GSDMC: variants seen among roughly 807,000 people sequenced by gnomAD.
GSDMC encodes the protein gasdermin-C.
GSDMC carries 59 observed loss-of-function variants against 58.0 expected under a neutral mutation model. The observed-to-expected ratio is 1.02, with a 90% confidence interval of 0.82 to 1.26. The LOEUF (loss-of-function observed/expected upper bound fraction) is 1.26. Ranked by LOEUF, GSDMC falls within the 50% of genes most tolerant of loss-of-function variation. GSDMC has a pLI of 0.00. For missense variants in GSDMC, 659 were observed against 598.5 expected (o/e 1.10, Z -1.06); for synonymous variants, 241 against 220.2 (o/e 1.09, Z -0.83).
chr8:129,777,676 G>A (rs986104603), intron 1 of GSDMC, 85 bp from the exon 2 acceptor site: 5 of 757,882 alleles, frequency 6.6e-6, no homozygotes, highest in Non-Finnish European at 9.3e-6. Flanking sequence ...TCCCCTAAAG[G>A]AAAAGATCTA....
At chr8:129,743,763 G>A (rs1244466161), downstream of GSDMC, among the ~76,000 whole-genome samples, 1 of 152,126 alleles carries the variant, frequency 6.6e-6, no homozygotes, top group East Asian at 1.9e-4. Context: ...TTTATACTCT[G>A]TTAAAATGGG....
intron 3 of GSDMC, among the ~76,000 whole-genome samples, chr8:129,769,485 G>A (rs1435011286): frequency 6.6e-6 from 1 of 152,148 alleles, no homozygotes; most frequent in Non-Finnish European, 1.5e-5. Flanking sequence ...TTGGAGGCTG[G>A]GAAGTCCTCA....
intron 6 of GSDMC, among the ~76,000 whole-genome samples, chr8:129,754,889 GA>G (rs2033365705): frequency 6.6e-6 from 1 of 152,118 alleles, no homozygotes; most frequent in Non-Finnish European, 1.5e-5. Flanking sequence ...TGAGCTTGAA[GA>G]CAGCCTATTT....
chr8:129,755,311 G>T (rs963238360), intron 6 of GSDMC, among the ~76,000 whole-genome samples: 3 of 152,064 alleles, frequency 2.0e-5, no homozygotes, highest in Admixed American at 1.3e-4. Flanking sequence ...AGAATGGCAT[G>T]ACATATTTAA....
the GSDMC span, among the ~76,000 whole-genome samples, chr8:129,732,877 C>A: frequency 3.9e-5 from 6 of 152,218 alleles, no homozygotes; most frequent in Non-Finnish European, 8.8e-5. Context: ...CCAGGAAGTG[C>A]AAGGGGTCAC....
the GSDMC span, among the ~76,000 whole-genome samples, chr8:129,721,211 G>A: frequency 6.6e-6 from 1 of 152,022 alleles, no homozygotes; most frequent in Non-Finnish European, 1.5e-5. Context: ...TCCCACTTTA[G>A]AAATGGTCTC....
Position 129,748,603 on chromosome 8 carries a change from C to T in GSDMC, c.1425G>A (p.Met475Ile), listed in dbSNP as rs754932128. The T allele has an allele frequency of 8.7e-6, 14 of 1,613,646 alleles. No individual in the cohort carries two copies. In the South Asian group the frequency reaches 9.9e-5, roughly 11 times the overall value. The change falls in exon 14 of 14, where the codon ATG becomes ATA. Residue 475 changes from methionine (M) to isoleucine (I), a missense_variant. Coordinates refer to ENST00000276708, the MANE Select transcript of GSDMC (RefSeq NM_031415.3). ...YGLLEECGLR[M>I]ELDNPRSTWD... ...AGGTTGACCTGGGGTTATCCAGCTC[C>T]ATCCTAAGGCCACACTCCTCCAGCA...
rs149922852 is a variant in GSDMC, at chr8:129,750,523, C to A, written c.991G>T (p.Ala331Ser). ...TCCTGAACATCCTTTGAGAGCTGAG[C>A]CAGTGTCTTTATTTTCTGGAAAACC... Reference protein sequence around the residue: ...EEVFQKIKTLAQLSKDVQDVM... With the variant: ...EEVFQKIKTLSQLSKDVQDVM... The change falls in exon 11 of 14, where the codon GCT becomes TCT. Residue 331 changes from alanine (A) to serine (S), a missense_variant. Ala to Ser is a moderately conservative substitution (Grantham distance 99). Coordinates refer to ENST00000276708, the MANE Select transcript of GSDMC (RefSeq NM_031415.3). The A allele has an allele frequency of 5.6e-6, 9 of 1,613,654 alleles. No homozygotes were observed. Among genetic ancestry groups the A allele is most frequent in the Non-Finnish European group, 6.8e-6 (8 of 1,179,686 alleles).
downstream of GSDMC, among the ~76,000 whole-genome samples, chr8:129,746,644 A>G (rs1405421528): frequency 6.6e-6 from 1 of 152,230 alleles, no homozygotes; most frequent in Non-Finnish European, 1.5e-5. Context: ...TTCAAGGATG[A>G]AGAAAGAATT....
chr8:129,745,258 T>A (rs1286794766), downstream of GSDMC, among the ~76,000 whole-genome samples: 2 of 152,246 alleles, frequency 1.3e-5, no homozygotes, highest in Non-Finnish European at 2.9e-5. Flanking sequence ...CTTTTTCATA[T>A]GGCTTCCAAG....
At chr8:129,719,607 G>T in the GSDMC span, among the ~76,000 whole-genome samples, 1 of 152,108 alleles carries the variant, frequency 6.6e-6, no homozygotes, top group African/African-American at 2.4e-5. Flanking sequence ...TACTTACGGA[G>T]GTAGATCACA....
chr8:129,740,193 A>G, the GSDMC span, among the ~76,000 whole-genome samples: 5 of 152,174 alleles, frequency 3.3e-5, no homozygotes, highest in East Asian at 7.7e-4. Flanking sequence ...AAAAAAATAA[A>G]AAGTTTATAA....
chr8:129,765,890 G>T, intron 3 of GSDMC, 97 bp from the exon 4 acceptor site: 1 of 950,252 alleles, frequency 1.1e-6, no homozygotes. Context: ...TGGGAGGGGT[G>T]CAATGGCTTT....
chr8:129,712,286 T>C, the GSDMC span, among the ~76,000 whole-genome samples: 2 of 152,182 alleles, frequency 1.3e-5, no homozygotes, highest in Admixed American at 1.3e-4. Context: ...TATACAGGAA[T>C]ATCATGATTA....
chr8:129,776,759 T>C (rs559134936), intron 2 of GSDMC, among the ~76,000 whole-genome samples: 77 of 151,216 alleles, frequency 5.1e-4, no homozygotes, highest in African/African-American at 1.8e-3. Flanking sequence ...GTTGTTGTTG[T>C]TTTTGTTGTT....
chr8:129,750,751 GA>G (rs2033157514), intron 10 of GSDMC, among the ~76,000 whole-genome samples, 181 bp from the exon 11 acceptor site: 1 of 152,146 alleles, frequency 6.6e-6, no homozygotes, highest in Non-Finnish European at 1.5e-5. Flanking sequence ...GCATAAGAAG[GA>G]AAAAGATGGA....
At chr8:129,761,670 C>T (rs2033666647) in intron 5 of GSDMC, among the ~76,000 whole-genome samples, 1 of 152,124 alleles carries the variant, frequency 6.6e-6, no homozygotes, top group South Asian at 2.1e-4. Context: ...TTTGATAGTG[C>T]CACCATCTCC....
chr8:129,780,607 TC>T (rs1425538083), intron 1 of GSDMC, among the ~76,000 whole-genome samples: 1 of 152,132 alleles, frequency 6.6e-6, no homozygotes, highest in Non-Finnish European at 1.5e-5. Flanking sequence ...CTGAGAGATT[TC>T]ATCAACACCA....
chr8:129,706,663 A>C, the GSDMC span: 1 of 152,232 alleles, frequency 6.6e-6, no homozygotes, highest in Non-Finnish European at 1.5e-5. Context: ...AACATTCCTC[A>C]TCCTCAAGAT....
Sources: gnomAD v4.1 joint callset for allele counts (sites outside exome capture counted in the v4.1 genomes callset) on GRCh38, gnomAD v4.1.1 for gene constraint, MANE v1.5 for transcripts, NCBI Gene and HGNC (gene_info 2026-07-23, HGNC 2026-07-21) for gene names.